The following CLN3 variants were observed in gnomAD, a reference collection of about 807,000 sequenced individuals.
CLN3 encodes CLN3 lysosomal/endosomal transmembrane protein, battenin.
In CLN3, 49 loss-of-function variants were observed where a neutral mutation model predicts 60.7. That is an observed-to-expected ratio of 0.81 (90% confidence interval 0.64 to 1.02). CLN3 has a LOEUF of 1.02. Among genes scored for constraint, CLN3 ranks in the 50% least tolerant of loss-of-function variants. The pLI, the probability that CLN3 is intolerant of heterozygous loss-of-function variation, is 0.00. For synonymous variants in CLN3, 256 were observed against 245.8 expected, an observed-to-expected ratio of 1.04 and a Z score of -0.39; for missense variants, 516 against 557.4, an observed-to-expected ratio of 0.93 and a Z score of 0.75.
At chr16:28,487,808 A>AGGAGAGGCAGGAGCTGGCC (rs2046247552) in intron 5 of CLN3, 67 bp from the exon 6 acceptor site, 1 of 1,306,680 alleles carries the variant, frequency 7.7e-7, no homozygotes, top group East Asian at 2.5e-5. Context: ...CACGTGGCCA[A>AGGAGAGGCAGGAGCTGGCC]GGAGAGGCAG....
chr16:28,484,642 G>A (rs556671682), intron 9 of CLN3: 33 of 183,312 alleles, frequency 1.8e-4, no homozygotes, highest in Admixed American at 1.1e-3. Context: ...GAGCCACTGT[G>A]CTCAGCAGGC....
At chr16:28,483,547 T>C (rs2046142057) in intron 10 of CLN3, among the ~76,000 whole-genome samples, 1 of 150,578 alleles carries the variant, frequency 6.6e-6, no homozygotes. Context: ...GCTCCACAGA[T>C]GGCCATTGGC....
At chr16:28,491,337 T>C (rs965413756) in intron 3 of CLN3, 145 bp downstream of exon 3, 1 of 1,171,724 alleles carries the variant, frequency 8.5e-7, no homozygotes, top group Non-Finnish European at 1.2e-6. Flanking sequence ...AAATTTTACA[T>C]GCTGCCCCTG....
chr16:28,491,437 C>T lies in CLN3; in HGVS notation c.125+45G>A, dbSNP rs751647771. 4 of 1,607,304 alleles carry T rather than the reference C, an allele frequency of 2.5e-6. No individual in the cohort carries two copies. The African/African-American group carries it at 5.4e-5, about 21-fold the overall frequency. The stretch of plus-strand genomic sequence containing the variant: ...TTCCCCCTTTCCTCCGGTCACTTCC[C>T]TCTTCTCATGCCATTGTCACTCGCT... On this transcript the variant is annotated intron_variant, in intron 3 of 15. Transcript: ENST00000636147.
rs767753225 is a variant in CLN3, at chr16:28,481,417, AACACACACACAC to A, written c.1056+676_1056+687del. ...GGCCCGGCCCAATCCCAATGCTTAA[AACACACACACAC>A]ACACACACACACACACACACACACG... is the stretch of plus-strand genomic sequence containing the variant. On this transcript the variant is annotated intron_variant, in intron 14 of 15. Transcript: ENST00000636147. 9.3e-5 allele frequency among the ~76,000 whole-genome samples: 12 copies of A among 129,572 alleles called. No individual in the cohort carries two copies. The South Asian group carries it at 1.8e-3, about 19-fold the overall frequency. 85.0% of individuals were successfully genotyped at this position (129,572 alleles called of 152,430 possible). A position where few individuals can be genotyped will look rare whatever the true frequency, so the allele number is the denominator to read the frequency against.
intron 5 of CLN3, chr16:28,488,219 T>G: frequency 5.9e-6 from 1 of 169,562 alleles, no homozygotes; most frequent in South Asian, 1.4e-4. Flanking sequence ...TTTTGTATTT[T>G]TAGTACAGAT....
Position 28,491,694 on chromosome 16 carries a change from G to A in CLN3, c.46+20C>T. The A allele has an allele frequency of 1.2e-6, 2 of 1,614,154 alleles. No homozygotes were observed. Among genetic ancestry groups the A allele is most frequent in the Non-Finnish European group, 1.7e-6 (2 of 1,180,036 alleles). On this transcript the variant is annotated intron_variant, in intron 2 of 15. Coordinates refer to ENST00000636147, the MANE Select transcript of CLN3 (RefSeq NM_001042432.2). ...CGAGCCAGAGGTGGTCGTTCCATGA[G>A]GGTGGGCGGGAATACTCACCCTCGG...
downstream of CLN3, chr16:28,470,512 G>A (rs1220137978): frequency 1.4e-5 from 15 of 1,083,878 alleles, no homozygotes; most frequent in Admixed American, 2.3e-5. Context: ...GGGGAGGGAA[G>A]GGGACGGGGA....
chr16:28,490,643 T>A (rs894100860), intron 3 of CLN3, among the ~76,000 whole-genome samples: 1 of 144,786 alleles, frequency 6.9e-6, no homozygotes, highest in Non-Finnish European at 1.5e-5. Flanking sequence ...GCCTGTAGTC[T>A]CAGCTACTCC....
downstream of CLN3, chr16:28,475,872 AAGTC>A (rs2045988383): frequency 1.3e-5 from 2 of 151,806 alleles, no homozygotes; most frequent in African/African-American, 4.8e-5. Flanking sequence ...GAGAAACACT[AAGTC>A]AGACTCAGTT....
intron 7 of CLN3, chr16:28,486,894 C>T: frequency 1.7e-6 from 1 of 581,934 alleles, no homozygotes. Flanking sequence ...ATGTCTCTGC[C>T]CCTTCATCAG....
downstream of CLN3, among the ~76,000 whole-genome samples, chr16:28,471,989 C>T (rs1260679902): frequency 3.3e-5 from 5 of 152,018 alleles, no homozygotes; most frequent in East Asian, 5.8e-4. Flanking sequence ...GAGATAGTGC[C>T]ACTGCACTCC....
At chr16:28,479,162 C>T (rs1193354281) in intron 14 of CLN3, among the ~76,000 whole-genome samples, 2 of 152,182 alleles carry the variant, frequency 1.3e-5, no homozygotes, top group African/African-American at 2.4e-5. Flanking sequence ...TAGGCCTCCT[C>T]GTGGCGGTTC....
downstream of CLN3, among the ~76,000 whole-genome samples, chr16:28,471,797 G>A (rs989279890): frequency 2.7e-5 from 4 of 149,736 alleles, no homozygotes; most frequent in African/African-American, 9.9e-5. Context: ...TACTGCCTGT[G>A]TGTGTGGACT....
At chr16:28,483,258 GT>G (rs930998385) in intron 10 of CLN3, among the ~76,000 whole-genome samples, 14 of 151,956 alleles carry the variant, frequency 9.2e-5, no homozygotes, top group African/African-American at 3.1e-4. Flanking sequence ...GTCTCACTCA[GT>G]TGCCCAGGCT....
At chr16:28,484,902 C>T (rs976930140) in intron 9 of CLN3, 1 of 151,352 alleles carries the variant, frequency 6.6e-6, no homozygotes, top group African/African-American at 2.4e-5. Context: ...TTGTCCTAAG[C>T]ACTAATCTTG....
At chr16:28,487,216 CAG>C (rs2046234647) in intron 7 of CLN3, 1 of 595,532 alleles carries the variant, frequency 1.7e-6, no homozygotes, top group South Asian at 1.9e-5. Flanking sequence ...TGGTCCATCA[CAG>C]AGTCTTGACT....
intron 3 of CLN3, 70 bp from the exon 4 acceptor site, chr16:28,489,456 T>A: frequency 1.9e-6 from 2 of 1,069,250 alleles, no homozygotes; most frequent in South Asian, 2.7e-5. Flanking sequence ...GTGCCAAACC[T>A]TCCCTTACCT....
At position 28,477,512 on chromosome 16, in the gene CLN3, AG is replaced by A; in HGVS notation, c.*3del. On this transcript the variant is annotated 3_prime_UTR_variant, in exon 16 of 16. Transcript: ENST00000636147. Reference sequence around the variant, plus strand: ...TGTGACCTGCGTCCTGAGGATCCCGAGTATCAGGAGAGCTGGCAGAGGAAGT... The same window carrying A: ...TGTGACCTGCGTCCTGAGGATCCCGATATCAGGAGAGCTGGCAGAGGAAGT... 1 of 1,613,018 alleles carries A rather than the reference AG, an allele frequency of 6.2e-7. No homozygotes were observed. The highest frequency in any genetic ancestry group is 8.5e-7 in the Non-Finnish European group (1 of 1,180,026).
Sources: allele counts gnomAD v4.1 joint callset (sites outside exome capture counted in the v4.1 genomes callset), GRCh38; gene constraint gnomAD v4.1.1; transcripts MANE v1.5; gene names NCBI Gene and HGNC (gene_info 2026-07-23, HGNC 2026-07-21).